AKAP8L: variants seen among roughly 807,000 people sequenced by gnomAD.
AKAP8L encodes the protein A-kinase anchoring protein 8 like, also known as A-kinase anchor protein 8-like.
AKAP8L carries 34 observed loss-of-function variants against 77.5 expected under a neutral mutation model. That is an observed-to-expected ratio of 0.44 (90% confidence interval 0.33 to 0.58). The LOEUF (loss-of-function observed/expected upper bound fraction) is 0.58, where lower values mean the gene tolerates loss of function less well. Among genes scored for constraint, AKAP8L ranks in the 20% least tolerant of loss-of-function variants. AKAP8L has a pLI of 0.02. For synonymous variants in AKAP8L, 342 were observed against 340.7 expected (o/e 1.00, Z -0.04); for missense variants, 806 against 887.6 (o/e 0.91, Z 1.17).
chr19:15,415,219 A>C (rs1000922626), intron 1 of AKAP8L, among the ~76,000 whole-genome samples: 1 of 152,146 alleles, frequency 6.6e-6, no homozygotes, highest in Non-Finnish European at 1.5e-5. Context: ...GGATCACTTG[A>C]GCCCAGGAGT....
In AKAP8L at chr19:15,403,410, C is replaced by G; in HGVS notation, c.362+65G>C. 6.7e-7 allele frequency: 1 copy of G among 1,494,490 alleles called. No individual in the cohort carries two copies. 92.6% of individuals were successfully genotyped at this position (1,494,490 alleles called of 1,614,324 possible). ...ACAGAGGGGCACTCAGAGAGGAAAACGCAGTGGGCAGCAGGCAGGAGCCGC... is the reference window on the plus strand; with the variant it reads ...ACAGAGGGGCACTCAGAGAGGAAAAGGCAGTGGGCAGCAGGCAGGAGCCGC... On this transcript the variant is annotated intron_variant, in intron 4 of 13. Coordinates refer to ENST00000397410, the MANE Select transcript of AKAP8L (RefSeq NM_014371.4). The surrounding 1 kb of genome is among the most constrained non-coding windows in gnomAD (Gnocchi z 4.3).
In AKAP8L at chr19:15,399,270, C is replaced by G; in HGVS notation, c.1157+32G>C. On this transcript the variant is annotated intron_variant, in intron 9 of 13. Coordinates refer to ENST00000397410, the MANE Select transcript of AKAP8L (RefSeq NM_014371.4). This position sits in a 1 kb window ranked among gnomAD's most constrained non-coding sequence, Gnocchi z 6.1. ...TCCTGGCGGCAGCCCCACAGCGAGG[C>G]AGAGGCAGAGGGGTGGAGGGAAGCT... 1 of 1,574,884 alleles carries G rather than the reference C, an allele frequency of 6.3e-7. No homozygotes were observed. The highest frequency in any genetic ancestry group is 8.7e-7 in the Non-Finnish European group (1 of 1,144,388).
chr19:15,388,530 A>C (rs1817930312), intron 12 of AKAP8L, among the ~76,000 whole-genome samples: 1 of 152,222 alleles, frequency 6.6e-6, no homozygotes, highest in Non-Finnish European at 1.5e-5. Context: ...GATAGAAATG[A>C]TAATAATAAA....
At chr19:15,388,034 G>C (rs920937033) in intron 12 of AKAP8L, among the ~76,000 whole-genome samples, 1 of 152,106 alleles carries the variant, frequency 6.6e-6, no homozygotes, top group Non-Finnish European at 1.5e-5. Context: ...AGATTGGGCA[G>C]CAATCTATGC....
chr19:15,395,507 G>A (rs934286421), intron 12 of AKAP8L, among the ~76,000 whole-genome samples: 5 of 150,910 alleles, frequency 3.3e-5, no homozygotes, highest in South Asian at 2.1e-4. Context: ...TACAGACAGC[G>A]TTTCACCACG....
In AKAP8L at chr19:15,398,142, G is replaced by A. The variant is rs1274790433; in HGVS notation, c.1158-287C>T. 2.0e-5 allele frequency: 9 copies of A among 455,040 alleles called. No individual in the cohort carries two copies. Among genetic ancestry groups the A allele is most frequent in the Non-Finnish European group, 2.8e-5 (7 of 247,682 alleles). 28.2% of individuals were successfully genotyped at this position (455,040 alleles called of 1,614,324 possible). A position where few individuals can be genotyped will look rare whatever the true frequency, so the allele number is the denominator to read the frequency against. ...CAGCTGCTGCAACAGGCAACGAGTC[G>A]CTGGAAAGTTGCTGGAGGGCCTCGC... On this transcript the variant is annotated intron_variant, in intron 9 of 13. Coordinates refer to ENST00000397410, the MANE Select transcript of AKAP8L (RefSeq NM_014371.4). The surrounding 1 kb of genome is among the most constrained non-coding windows in gnomAD (Gnocchi z 9.2).
intron 4 of AKAP8L, among the ~76,000 whole-genome samples, chr19:15,402,884 T>C (rs1041218724): frequency 6.6e-6 from 1 of 152,184 alleles, no homozygotes; most frequent in Non-Finnish European, 1.5e-5. Flanking sequence ...ACCAAGTACT[T>C]GCTGCGTGCC....
At chr19:15,390,454 C>CCAGG (rs1160454097) in intron 12 of AKAP8L, among the ~76,000 whole-genome samples, 3 of 151,510 alleles carry the variant, frequency 2.0e-5, no homozygotes, top group African/African-American at 7.3e-5. Context: ...TTAACAAAAG[C>CCAGG]CAGGCCTAGA....
At chr19:15,413,120 A>G (rs1247763573) in intron 1 of AKAP8L, among the ~76,000 whole-genome samples, 1 of 152,198 alleles carries the variant, frequency 6.6e-6, no homozygotes, top group Admixed American at 6.5e-5. Context: ...AAGAACATTT[A>G]TCTGCAATGA....
intron 12 of AKAP8L, 34 bp from the exon 13 acceptor site, chr19:15,380,646 C>T (rs767116054): frequency 1.2e-6 from 2 of 1,603,402 alleles, no homozygotes; most frequent in Admixed American, 3.3e-5. Flanking sequence ...GGAGAGGCTG[C>T]TCTGAGTGCC....
In AKAP8L at chr19:15,410,494, G is replaced by T. The variant is rs1176698592; in HGVS notation, c.88+26C>A. The T allele has an allele frequency of 3.2e-6, 5 of 1,552,938 alleles. No homozygotes were observed. In the Admixed American group the frequency reaches 5.8e-5, roughly 18 times the overall value. On this transcript the variant is annotated intron_variant, in intron 2 of 13. Coordinates refer to ENST00000397410, the MANE Select transcript of AKAP8L (RefSeq NM_014371.4). The stretch of plus-strand genomic sequence containing the variant: ...AAGGAACTGCTCTGCAGAACACTTT[G>T]GTTCCCACCAGAAGTCCACACTTAC...
chr19:15,418,815 G>C (rs566441031), intron 1 of AKAP8L, 96 bp downstream of exon 1: 5 of 1,314,124 alleles, frequency 3.8e-6, no homozygotes, highest in South Asian at 2.5e-5. Context: ...AGGCAGTGAC[G>C]GGGCCCCAGG....
Position 15,397,276 on chromosome 19 carries a change from A to G in AKAP8L, c.1410T>C (p.Ile470=). ...CCTTCTTCACAAAATGCTCCATGGC[A>G]ATTTCTGTAGTGGGGAGGAGGGAGT... ...IYRDQDLTQE[I]AMEHFVKKVE... The change falls in exon 12 of 14, where the codon ATT becomes ATC. Residue 470 remains isoleucine, a synonymous_variant. Coordinates refer to ENST00000397410, the MANE Select transcript of AKAP8L (RefSeq NM_014371.4). This position sits in a 1 kb window ranked among gnomAD's most constrained non-coding sequence, Gnocchi z 4.7. The G allele has an allele frequency of 1.2e-6, 2 of 1,613,916 alleles. No individual in the cohort carries two copies. The highest frequency in any genetic ancestry group is 1.3e-5 in the African/African-American group (1 of 75,032).
chr19:15,403,041 C>T lies in AKAP8L; in HGVS notation c.362+434G>A, dbSNP rs753356870. Among the ~76,000 whole-genome samples the T allele has an allele frequency of 1.6e-4, 25 of 152,184 alleles. No individual in the cohort carries two copies. Among genetic ancestry groups the T allele is most frequent in the Non-Finnish European group, 2.5e-4 (17 of 68,028 alleles). On this transcript the variant is annotated intron_variant, in intron 4 of 13. Transcript: ENST00000397410. The surrounding 1 kb of genome is among the most constrained non-coding windows in gnomAD (Gnocchi z 4.3). ...ATGCCCACACCTGCCCCGACCCTTA[C>T]GTGGGGGTGGCCCAGCTCGCAGTGA...
At chr19:15,404,418 G>A (rs1263482388) in intron 2 of AKAP8L, 1 of 216,870 alleles carries the variant, frequency 4.6e-6, no homozygotes, top group South Asian at 9.3e-5. Context: ...CCTTAAAAGG[G>A]AGGGCCAACA....
chr19:15,386,330 G>A (rs1967537183), intron 12 of AKAP8L, among the ~76,000 whole-genome samples: 1 of 152,176 alleles, frequency 6.6e-6, no homozygotes, highest in African/African-American at 2.4e-5. Flanking sequence ...TGAGAGGACA[G>A]ACTCTAGCAT....
intron 12 of AKAP8L, chr19:15,383,249 GC>G (rs1291027713): frequency 6.6e-6 from 1 of 152,124 alleles, no homozygotes; most frequent in Non-Finnish European, 1.5e-5. Flanking sequence ...TCACTCTGTT[GC>G]CCAGGCTGCA....
chr19:15,405,985 G>T (rs1331597362), intron 2 of AKAP8L, among the ~76,000 whole-genome samples: 1 of 152,002 alleles, frequency 6.6e-6, no homozygotes, highest in Non-Finnish European at 1.5e-5. Flanking sequence ...ATCCATCAGG[G>T]CTCTGCTTGG....
chr19:15,416,621 T>A (rs4808303), intron 1 of AKAP8L, among the ~76,000 whole-genome samples: 1 of 152,096 alleles, frequency 6.6e-6, no homozygotes, highest in Non-Finnish European at 1.5e-5. Flanking sequence ...AACCACCCAG[T>A]GAAATCACCT....
Sources: allele counts gnomAD v4.1 joint callset (sites outside exome capture counted in the v4.1 genomes callset), GRCh38; gene constraint gnomAD v4.1.1; non-coding constraint Gnocchi (gnomAD v3.1); transcripts MANE v1.5; gene names NCBI Gene and HGNC (gene_info 2026-07-23, HGNC 2026-07-21).